The following TMEM232 variants were observed in gnomAD, a reference collection of about 807,000 sequenced individuals.
The protein encoded by TMEM232 is transmembrane protein 232.
In TMEM232, 80 loss-of-function variants were observed where a neutral mutation model predicts 78.8. The observed-to-expected ratio is 1.01, with a 90% CI of 0.85 to 1.22. TMEM232 has a LOEUF of 1.22. TMEM232 is among the 50% of genes most tolerant of loss of function. The pLI is 0.00. For missense variants in TMEM232, 881 were observed against 742.2 expected, an observed-to-expected ratio of 1.19 and a Z score of -2.17; for synonymous variants, 297 against 254.3, an observed-to-expected ratio of 1.17 and a Z score of -1.60.
intron 12 of TMEM232, among the ~76,000 whole-genome samples, chr5:110,467,928 G>A (rs1010828044): frequency 6.9e-5 from 10 of 144,950 alleles, no homozygotes; most frequent in African/African-American, 2.6e-4. Context: ...GGCTTTGGGT[G>A]CATCACCCTG....
intron 11 of TMEM232, among the ~76,000 whole-genome samples, chr5:110,532,284 C>T (rs1021542820): frequency 4.6e-5 from 7 of 151,916 alleles, no homozygotes; most frequent in Admixed American, 4.6e-4. Context: ...CTGACTCCTT[C>T]CCAGATCTTC....
upstream of TMEM232, among the ~76,000 whole-genome samples, chr5:110,728,725 T>TATAA (rs1171141928): frequency 1.1e-4 from 16 of 150,704 alleles, no homozygotes. Context: ...TATATATATA[T>TATAA]AATCCTAAAA....
intron 12 of TMEM232, among the ~76,000 whole-genome samples, chr5:110,504,529 A>G (rs182284632): frequency 9.8e-5 from 15 of 152,350 alleles, no homozygotes; most frequent in African/African-American, 3.6e-4. Flanking sequence ...GAGGCTGCTG[A>G]TAATTCCCAA....
intron 11 of TMEM232, 126 bp from the exon 12 acceptor site, chr5:110,528,961 G>T: frequency 3.2e-6 from 3 of 945,690 alleles, no homozygotes; most frequent in Non-Finnish European, 4.1e-6. Flanking sequence ...TTCCTGTTAA[G>T]TAAAAATAAT....
chr5:110,706,334 C>T (rs1306092786), intron 1 of TMEM232, among the ~76,000 whole-genome samples: 2 of 152,102 alleles, frequency 1.3e-5, no homozygotes, highest in African/African-American at 2.4e-5. Flanking sequence ...AATGTATGTT[C>T]TTTTCTATAA....
At chr5:110,636,489 G>A (rs553544777) in intron 5 of TMEM232, among the ~76,000 whole-genome samples, 2 of 152,012 alleles carry the variant, frequency 1.3e-5, no homozygotes, top group South Asian at 4.2e-4. Context: ...CATTACACAT[G>A]CTAGTCATGT....
intron 12 of TMEM232, among the ~76,000 whole-genome samples, chr5:110,462,681 A>G (rs1761662715): frequency 6.6e-6 from 1 of 152,130 alleles, no homozygotes; most frequent in Admixed American, 6.5e-5. Flanking sequence ...CAGACAGCCT[A>G]TTGTGGGACT....
At chr5:110,458,230 T>C (rs183023533) in intron 12 of TMEM232, among the ~76,000 whole-genome samples, 27 of 152,152 alleles carry the variant, frequency 1.8e-4, no homozygotes, top group African/African-American at 4.8e-4. Flanking sequence ...TTGTCCTCCT[T>C]CTTCCTTTGC....
intron 12 of TMEM232, among the ~76,000 whole-genome samples, chr5:110,500,146 G>C (rs1429557892): frequency 6.6e-6 from 1 of 151,960 alleles, no homozygotes; most frequent in Non-Finnish European, 1.5e-5. Flanking sequence ...ACAAAAATTA[G>C]CCAGGTGTGG....
At chr5:110,537,324 T>G (rs1186422853) in intron 11 of TMEM232, among the ~76,000 whole-genome samples, 2 of 151,834 alleles carry the variant, frequency 1.3e-5, no homozygotes, top group East Asian at 3.9e-4. Context: ...TTTGGCCCAA[T>G]TATGAGCTGC....
chr5:110,451,116 C>T (rs1206542751), intron 12 of TMEM232, among the ~76,000 whole-genome samples: 1 of 152,140 alleles, frequency 6.6e-6, no homozygotes, highest in Non-Finnish European at 1.5e-5. Flanking sequence ...CAAGACACTG[C>T]TAGTTTAGGA....
intron 11 of TMEM232, among the ~76,000 whole-genome samples, chr5:110,562,191 C>T (rs1775829583): frequency 6.6e-6 from 1 of 152,090 alleles, no homozygotes; most frequent in Non-Finnish European, 1.5e-5. Flanking sequence ...TCCCCTACAA[C>T]TAATTCCTCC....
intron 12 of TMEM232, among the ~76,000 whole-genome samples, chr5:110,429,302 T>C (rs1757574978): frequency 6.6e-6 from 1 of 151,836 alleles, no homozygotes; most frequent in African/African-American, 2.4e-5. Flanking sequence ...AGGATGATGA[T>C]TAGATTCATG....
upstream of TMEM232, among the ~76,000 whole-genome samples, chr5:110,728,312 G>T (rs1021974469): frequency 6.6e-6 from 1 of 151,540 alleles, no homozygotes; most frequent in Non-Finnish European, 1.5e-5. Flanking sequence ...TATATCAGTA[G>T]AATGAAAGAT....
At chr5:110,440,312 T>G (rs1039675319) in intron 12 of TMEM232, among the ~76,000 whole-genome samples, 15 of 152,170 alleles carry the variant, frequency 9.9e-5, no homozygotes, top group Middle Eastern at 3.2e-3. Context: ...GTGTTGCCAT[T>G]CTGCTGGAAA....
chr5:110,603,077 TG>T (rs1282334594), intron 10 of TMEM232, among the ~76,000 whole-genome samples: 1 of 151,822 alleles, frequency 6.6e-6, no homozygotes, highest in Non-Finnish European at 1.5e-5. Flanking sequence ...CACTCATAAG[TG>T]GGAGTTGAAC....
intron 1 of TMEM232, among the ~76,000 whole-genome samples, chr5:110,681,459 A>G (rs1395460251): frequency 6.6e-6 from 1 of 152,194 alleles, no homozygotes; most frequent in Non-Finnish European, 1.5e-5. Context: ...CAGAAATGAT[A>G]ATATCTAAGC....
intron 10 of TMEM232, 100 bp from the exon 11 acceptor site, chr5:110,568,725 A>G: frequency 8.5e-7 from 1 of 1,178,684 alleles, no homozygotes; most frequent in Non-Finnish European, 1.2e-6. Flanking sequence ...ATAATTCATA[A>G]TAATATTCTA....
chr5:110,592,456 A>C (rs1421169905), intron 10 of TMEM232, among the ~76,000 whole-genome samples: 1 of 152,176 alleles, frequency 6.6e-6, no homozygotes, highest in East Asian at 1.9e-4. Context: ...GATGTCATAG[A>C]AAAATGTACT....
Sources: gnomAD v4.1 joint callset for allele counts (sites outside exome capture counted in the v4.1 genomes callset) on GRCh38, gnomAD v4.1.1 for gene constraint, MANE v1.5 for transcripts, NCBI Gene and HGNC (gene_info 2026-07-23, HGNC 2026-07-21) for gene names.